The following FLT1 variants were observed in gnomAD, a reference collection of about 807,000 sequenced individuals.
FLT1 encodes fms related receptor tyrosine kinase 1.
In FLT1, 49 loss-of-function variants were observed where a neutral mutation model predicts 156.3. The ratio of observed to expected loss-of-function variants is 0.31; its 90% CI spans 0.25 to 0.40. The LOEUF is 0.40. Ranked by LOEUF, FLT1 falls within the 10% of genes least tolerant of loss-of-function variation. The pLI is 1.00. For synonymous variants in FLT1, 594 were observed against 583.8 expected, an observed-to-expected ratio of 1.02 and a Z score of -0.25; for missense variants, 1,322 against 1,637.2, an observed-to-expected ratio of 0.81 and a Z score of 3.32.
Position 28,475,683 on chromosome 13 carries a change from T to C in FLT1, c.65-8066A>G, listed in dbSNP as rs189194845. Among the ~76,000 whole-genome samples the C allele has an allele frequency of 1.4e-3, 214 of 152,352 alleles. 1 individual carries two copies. Among genetic ancestry groups the C allele is most frequent in the African/African-American group, 4.6e-3 (193 of 41,586 alleles). On this transcript the variant is annotated intron_variant, in intron 1 of 29. Coordinates refer to ENST00000282397, the MANE Select transcript of FLT1 (RefSeq NM_002019.4). Reference sequence around the variant, plus strand: ...TTTTTATTTGCGATGCTTATTCTTATAGGGCTCTGAAACTTAATAAAAAAA... The same window carrying C: ...TTTTTATTTGCGATGCTTATTCTTACAGGGCTCTGAAACTTAATAAAAAAA...
chr13:28,336,958 G>C (rs1412217421), intron 17 of FLT1, among the ~76,000 whole-genome samples: 1 of 151,888 alleles, frequency 6.6e-6, no homozygotes, highest in Non-Finnish European at 1.5e-5. Flanking sequence ...ATGTTGGCCA[G>C]GCTGGTCTCG....
intron 3 of FLT1, among the ~76,000 whole-genome samples, chr13:28,445,214 T>C (rs1017611638): frequency 6.6e-6 from 1 of 152,090 alleles, no homozygotes; most frequent in African/African-American, 2.4e-5. Flanking sequence ...CAGTGGCTCA[T>C]GCCCGTAATC....
chr13:28,421,357 C>G (rs1216190307), intron 10 of FLT1, among the ~76,000 whole-genome samples: 1 of 152,116 alleles, frequency 6.6e-6, no homozygotes, highest in African/African-American at 2.4e-5. Flanking sequence ...CAACATTTTT[C>G]ACACCCTGAA....
chr13:28,450,065 T>C (rs527725779), intron 3 of FLT1, among the ~76,000 whole-genome samples: 2 of 152,172 alleles, frequency 1.3e-5, no homozygotes. Context: ...CAACAGATGT[T>C]TATGGAGAAG....
In FLT1 at chr13:28,389,086, A is replaced by G. The variant is rs17086618; in HGVS notation, c.1969+710T>C. On this transcript the variant is annotated intron_variant, in intron 13 of 29. Coordinates refer to ENST00000282397, the MANE Select transcript of FLT1 (RefSeq NM_002019.4). ...CCTTTACTATCTCTGAATTACACCA[A>G]CATCTTGCACCCCTGGGGCCCATTT... 3.7e-3 allele frequency: 3,901 copies of G among 1,064,658 alleles called. 108 individuals carry two copies. The African/African-American group carries it at 0.059, about 16-fold the overall frequency. 66.0% of individuals were successfully genotyped at this position (1,064,658 alleles called of 1,614,324 possible).
At chr13:28,407,341 G>T (rs1875872891) in intron 10 of FLT1, among the ~76,000 whole-genome samples, 1 of 151,780 alleles carries the variant, frequency 6.6e-6, no homozygotes, top group Non-Finnish European at 1.5e-5. Flanking sequence ...CAGTTATCAA[G>T]ATTTTGTCAC....
At chr13:28,405,266 C>T (rs185259032) in intron 11 of FLT1, among the ~76,000 whole-genome samples, 97 of 152,248 alleles carry the variant, frequency 6.4e-4, no homozygotes, top group African/African-American at 2.3e-3. Context: ...GCATATCCCC[C>T]TCAACTCAGG....
intron 16 of FLT1, among the ~76,000 whole-genome samples, chr13:28,343,157 A>G (rs1189028374): frequency 6.6e-6 from 1 of 151,904 alleles, no homozygotes; most frequent in East Asian, 1.9e-4. Flanking sequence ...TTATTTTTGT[A>G]TTTTTAGTAG....
intron 10 of FLT1, among the ~76,000 whole-genome samples, chr13:28,409,597 G>T (rs1876025053): frequency 6.6e-6 from 1 of 152,028 alleles, no homozygotes; most frequent in African/African-American, 2.4e-5. Context: ...AGCCTCCCAA[G>T]GTACTGAGAT....
chr13:28,397,664 G>A (rs979498184), intron 11 of FLT1, among the ~76,000 whole-genome samples: 19 of 151,940 alleles, frequency 1.3e-4, no homozygotes, highest in Admixed American at 6.6e-5. Context: ...TGGGACAACA[G>A]GCACATGCCA....
intron 11 of FLT1, among the ~76,000 whole-genome samples, chr13:28,401,181 A>G (rs1472543238): frequency 6.6e-6 from 1 of 152,218 alleles, no homozygotes; most frequent in African/African-American, 2.4e-5. Context: ...AGCCGAGATC[A>G]TGCCAAAATA....
At chr13:28,412,381 T>TTTCTTTCTTTCTTTCTTTCTTTCCTTCC (rs1555236534) in intron 10 of FLT1, among the ~76,000 whole-genome samples, 49 of 88,288 alleles carry the variant, frequency 5.6e-4, no homozygotes, top group African/African-American at 1.7e-3. Context: ...TCTTTCTTTC[T>TTTCTTTCTTTCTTTCTTTCTTTCCTTCC]TTCTTTCTTT....
Position 28,319,534 on chromosome 13 carries a change from T to C in FLT1, c.3175A>G (p.Thr1059Ala). 3 of 1,602,494 alleles carry C rather than the reference T, an allele frequency of 1.9e-6. No homozygotes were observed. Among genetic ancestry groups the C allele is most frequent in the Non-Finnish European group, 1.7e-6 (2 of 1,169,946 alleles). The change falls in exon 24 of 30, where the codon ACT becomes GCT. Residue 1059 changes from threonine (T) to alanine (A), a missense_variant and splice_region_variant. By Grantham distance (58) the Thr-to-Ala change is moderately conservative. Coordinates refer to ENST00000282397, the MANE Select transcript of FLT1 (RefSeq NM_002019.4). ...GCCATCCATTTCAGAGGAAGTCGAGTCTAGAAGAGGGCAAGGGGGCCTTGA... is the reference window on the plus strand; with the variant it reads ...GCCATCCATTTCAGAGGAAGTCGAGCCTAGAAGAGGGCAAGGGGGCCTTGA... ...KNPDYVRKGD[T>A]RLPLKWMAPE...
intron 10 of FLT1, among the ~76,000 whole-genome samples, chr13:28,412,330 T>TTTCTTTCTTTC (rs1476195337): frequency 8.6e-5 from 8 of 92,610 alleles, no homozygotes; most frequent in African/African-American, 3.3e-4. Flanking sequence ...TCTTTCTTTC[T>TTTCTTTCTTTC]TTTCTTTCTT....
chr13:28,351,803 C>A (rs1452389316), intron 15 of FLT1, among the ~76,000 whole-genome samples: 1 of 152,118 alleles, frequency 6.6e-6, no homozygotes, highest in Non-Finnish European at 1.5e-5. Context: ...TTTAGGTGAC[C>A]CACTGGTTAA....
chr13:28,380,087 C>T (rs1874011670), intron 14 of FLT1, among the ~76,000 whole-genome samples: 1 of 152,152 alleles, frequency 6.6e-6, no homozygotes, highest in Non-Finnish European at 1.5e-5. Flanking sequence ...AAAAGGTGCA[C>T]CTCAAGTATC....
Position 28,412,955 on chromosome 13 carries a change from T to C in FLT1, c.1437-7061A>G, listed in dbSNP as rs75436934. On this transcript the variant is annotated intron_variant, in intron 10 of 29. Coordinates refer to ENST00000282397, the MANE Select transcript of FLT1 (RefSeq NM_002019.4). Reference sequence around the variant, plus strand: ...AGGAGTGTTTAGACAGAATGGTTCCTGCTCCTCTTGCTCCAGGAAAAGGGC... The same window carrying C: ...AGGAGTGTTTAGACAGAATGGTTCCCGCTCCTCTTGCTCCAGGAAAAGGGC... Among the ~76,000 whole-genome samples, 1,208 of 152,232 alleles carry C rather than the reference T, an allele frequency of 7.9e-3. 26 individuals carry two copies. The East Asian group carries it at 0.096, about 12-fold the overall frequency.
intron 24 of FLT1, 57 bp downstream of exon 24, chr13:28,319,366 A>G (rs1410882182): frequency 5.3e-6 from 6 of 1,133,978 alleles, no homozygotes; most frequent in East Asian, 2.4e-5. Flanking sequence ...GACATTCAGC[A>G]GAAGATGCAG....
intron 25 of FLT1, among the ~76,000 whole-genome samples, chr13:28,316,784 G>A (rs759976956): frequency 3.3e-5 from 5 of 151,906 alleles, no homozygotes; most frequent in East Asian, 1.9e-4. Context: ...CACCAGGCCC[G>A]GCTAACTTTT....
Sources: gnomAD v4.1 joint callset for allele counts (sites outside exome capture counted in the v4.1 genomes callset) on GRCh38, gnomAD v4.1.1 for gene constraint, MANE v1.5 for transcripts, NCBI Gene and HGNC (gene_info 2026-07-23, HGNC 2026-07-21) for gene names.